The following PTCHD4 variants were observed in gnomAD, a reference collection of about 807,000 sequenced individuals.
PTCHD4 encodes the protein patched domain-containing protein 4.
Under a neutral mutation model 58.1 loss-of-function variants are expected in PTCHD4, and 33 were observed. That is an observed-to-expected ratio of 0.57 (90% CI 0.43 to 0.76). PTCHD4 has a LOEUF of 0.76. Ranked by LOEUF, PTCHD4 falls within the 30% of genes least tolerant of loss-of-function variation. PTCHD4 has a pLI of 0.00. For missense variants in PTCHD4, 1,058 were observed against 1,027.1 expected, an observed-to-expected ratio of 1.03 and a Z score of -0.41; for synonymous variants, 478 against 409.6, an observed-to-expected ratio of 1.17 and a Z score of -2.02.
chr6:47,956,456 C>G (rs1006250974), intron 4 of PTCHD4, among the ~76,000 whole-genome samples: 1 of 150,894 alleles, frequency 6.6e-6, no homozygotes, highest in South Asian at 2.1e-4. Context: ...TTTTTTGAGA[C>G]GGAGTCTAGC....
At chr6:48,095,096 T>G (rs1470234545) in intron 1 of PTCHD4, among the ~76,000 whole-genome samples, 33 of 152,218 alleles carry the variant, frequency 2.2e-4, no homozygotes, top group Non-Finnish European at 2.9e-5. Flanking sequence ...ATTATCTTGA[T>G]GTGTTGATAG....
chr6:47,861,007 CT>C lies in PTCHD4; in HGVS notation c.*17295del, dbSNP rs1763412948. ...CGAATGAAGAAGATAGAAAGTGCCCCTGGATGCCTCTCTAATCATTATTTTA... is the reference window on the plus strand; with the variant it reads ...CGAATGAAGAAGATAGAAAGTGCCCCGGATGCCTCTCTAATCATTATTTTA... On this transcript the variant is annotated 3_prime_UTR_variant, in exon 5 of 5. Coordinates refer to ENST00000339488, the MANE Select transcript of PTCHD4 (RefSeq NM_001384253.1). Among the ~76,000 whole-genome samples the C allele has an allele frequency of 6.6e-6, 1 of 151,930 alleles. No homozygotes were observed. Among genetic ancestry groups the C allele is most frequent in the African/African-American group, 2.4e-5 (1 of 41,408 alleles).
At chr6:47,907,130 A>G (rs1179489916) in intron 4 of PTCHD4, among the ~76,000 whole-genome samples, 2 of 152,174 alleles carry the variant, frequency 1.3e-5, no homozygotes, top group South Asian at 2.1e-4. Context: ...CTAGTGTCCA[A>G]GTGGAATTGG....
chr6:48,031,061 C>T (rs1763422347), intron 3 of PTCHD4, among the ~76,000 whole-genome samples: 1 of 152,102 alleles, frequency 6.6e-6, no homozygotes, highest in African/African-American at 2.4e-5. Context: ...CTCAGGGAAA[C>T]TTAAGTCAGG....
At chr6:47,939,499 A>G (rs1351016902) in intron 4 of PTCHD4, among the ~76,000 whole-genome samples, 1 of 152,088 alleles carries the variant, frequency 6.6e-6, no homozygotes, top group Non-Finnish European at 1.5e-5. Context: ...GACTGTTTCA[A>G]TGAGGTGTTG....
chr6:47,972,280 T>C (rs1399235153), intron 4 of PTCHD4, among the ~76,000 whole-genome samples: 1 of 152,182 alleles, frequency 6.6e-6, no homozygotes, highest in African/African-American at 2.4e-5. Flanking sequence ...TGGTGTGGGC[T>C]CCATTTAAAG....
rs535532057 is a variant in PTCHD4 at position 48,068,356 on chromosome 6, C to T, written c.291G>A (p.Gln97=). ...SLFPLDQSKS[Q]LYSDLHTPGR... is the part of the protein sequence containing the mutation. ...CAGGGGTGTGTAAGTCCGAATAGAGCTGGCTTTTGGACTGGTCCAGGGGGA... is the reference window on the plus strand; with the variant it reads ...CAGGGGTGTGTAAGTCCGAATAGAGTTGGCTTTTGGACTGGTCCAGGGGGA... The change falls in exon 3 of 5, where the codon CAG becomes CAA. Residue 97 remains glutamine (Q), a synonymous_variant. Coordinates refer to ENST00000339488, the MANE Select transcript of PTCHD4 (RefSeq NM_001384253.1). This position sits in a 1 kb window ranked among gnomAD's most constrained non-coding sequence, Gnocchi z 4.2. 146 of 1,613,984 alleles carry T rather than the reference C, an allele frequency of 9.0e-5. 1 individual carries two copies. In the South Asian group the frequency reaches 9.8e-4, roughly 11 times the overall value.
intron 1 of PTCHD4, among the ~76,000 whole-genome samples, chr6:48,088,360 A>C (rs1347445841): frequency 1.3e-5 from 2 of 152,228 alleles, no homozygotes; most frequent in Non-Finnish European, 2.9e-5. Flanking sequence ...CTAAGTTCTT[A>C]AATGGGTAAG....
chr6:48,078,728 A>C (rs1765105345), intron 1 of PTCHD4, among the ~76,000 whole-genome samples: 1 of 151,696 alleles, frequency 6.6e-6, no homozygotes, highest in Non-Finnish European at 1.5e-5. Context: ...TTTTTTCTGA[A>C]ATGTTTTTAA....
intron 3 of PTCHD4, among the ~76,000 whole-genome samples, chr6:48,054,259 A>G (rs1764333415): frequency 8.5e-5 from 13 of 152,154 alleles, no homozygotes; most frequent in Admixed American, 8.5e-4. Flanking sequence ...GCCACAAGGT[A>G]CTCTTAGAAG....
intron 3 of PTCHD4, among the ~76,000 whole-genome samples, chr6:48,028,426 G>T (rs1746974218): frequency 6.6e-6 from 1 of 151,930 alleles, no homozygotes; most frequent in Non-Finnish European, 1.5e-5. Context: ...GAAGGTCTGT[G>T]GAAAAGAAAT....
intron 4 of PTCHD4, among the ~76,000 whole-genome samples, chr6:47,992,548 C>A (rs555958287): frequency 1.3e-5 from 2 of 152,240 alleles, no homozygotes; most frequent in East Asian, 3.9e-4. Context: ...AGTACACATG[C>A]AGGTTTTATA....
chr6:47,900,230 C>T (rs1023102743), intron 4 of PTCHD4: 4 of 152,196 alleles, frequency 2.6e-5, no homozygotes, highest in African/African-American at 9.7e-5. Flanking sequence ...AGAGCTGCAT[C>T]ATTTACATTT....
intron 3 of PTCHD4, among the ~76,000 whole-genome samples, chr6:48,019,280 T>C (rs1762972419): frequency 6.6e-6 from 1 of 151,828 alleles, no homozygotes. Flanking sequence ...CTCTGTGCTA[T>C]ACCGCTATCG....
intron 4 of PTCHD4, among the ~76,000 whole-genome samples, chr6:47,999,847 A>G (rs1003755767): frequency 2.6e-5 from 4 of 152,230 alleles, no homozygotes; most frequent in African/African-American, 9.6e-5. Flanking sequence ...TAATATTTCA[A>G]CTTATCAATT....
chr6:48,015,975 C>T lies in PTCHD4; in HGVS notation c.418-6861G>A, dbSNP rs530638857. 7.2e-4 allele frequency among the ~76,000 whole-genome samples: 110 copies of T among 152,006 alleles called. 1 individual carries two copies. Among genetic ancestry groups the T allele is most frequent in the Middle Eastern group, 3.4e-3 (1 of 294 alleles). On this transcript the variant is annotated intron_variant, in intron 3 of 4. Coordinates refer to ENST00000339488, the MANE Select transcript of PTCHD4 (RefSeq NM_001384253.1). Reference sequence around the variant, plus strand: ...GGAGACAGATCAAGGTGCCTGAGAACAGTAGGAACTCAAATGAAAAGAGGC... The same window carrying T: ...GGAGACAGATCAAGGTGCCTGAGAATAGTAGGAACTCAAATGAAAAGAGGC...
chr6:48,017,576 CAT>C (rs1048020571), intron 3 of PTCHD4, among the ~76,000 whole-genome samples: 5 of 152,194 alleles, frequency 3.3e-5, no homozygotes, highest in Non-Finnish European at 7.3e-5. Context: ...ATTTTTAACA[CAT>C]GTGGTAGAAT....
intron 4 of PTCHD4, among the ~76,000 whole-genome samples, chr6:47,904,667 T>C (rs1764819292): frequency 6.6e-6 from 1 of 152,222 alleles, no homozygotes; most frequent in African/African-American, 2.4e-5. Context: ...TTCTGGGTTG[T>C]AGTGAATGGT....
At chr6:48,041,206 T>A (rs1446369623) in intron 3 of PTCHD4, among the ~76,000 whole-genome samples, 1 of 152,060 alleles carries the variant, frequency 6.6e-6, no homozygotes, top group Admixed American at 6.6e-5. Flanking sequence ...CAGGTGAGAA[T>A]GTAATTTGAC....
Sources: allele counts gnomAD v4.1 joint callset (sites outside exome capture counted in the v4.1 genomes callset), GRCh38; gene constraint gnomAD v4.1.1; non-coding constraint Gnocchi (gnomAD v3.1); transcripts MANE v1.5; gene names NCBI Gene and HGNC (gene_info 2026-07-23, HGNC 2026-07-21).